ADCY8: variants seen among roughly 807,000 people sequenced by gnomAD.
ADCY8 encodes the protein adenylate cyclase 8, also known as adenylate cyclase type 8.
ADCY8 carries 51 observed loss-of-function variants against 119.7 expected under a neutral mutation model. That is an observed-to-expected ratio of 0.43 (90% CI 0.34 to 0.54). The LOEUF is 0.54. Among genes scored for constraint, ADCY8 ranks in the 20% least tolerant of loss-of-function variants. ADCY8 has a pLI of 0.03. For missense variants in ADCY8, 1,383 were observed against 1,598.8 expected (o/e 0.87, Z 2.30); for synonymous variants, 665 against 651.0 (o/e 1.02, Z -0.33).
intron 14 of ADCY8, among the ~76,000 whole-genome samples, chr8:130,809,534 T>G (rs1223472402): frequency 6.6e-6 from 1 of 152,062 alleles, no homozygotes; most frequent in Non-Finnish European, 1.5e-5. Flanking sequence ...CCTTTGGCCA[T>G]TTGGGCCTGT....
chr8:130,998,937 C>T (rs538326428), intron 1 of ADCY8, among the ~76,000 whole-genome samples: 1 of 152,266 alleles, frequency 6.6e-6, no homozygotes, highest in Admixed American at 6.5e-5. Flanking sequence ...TCTTGGAGAA[C>T]TTTATTTTTA....
At chr8:131,020,679 G>A (rs761565464) in intron 1 of ADCY8, among the ~76,000 whole-genome samples, 48 of 152,292 alleles carry the variant, frequency 3.2e-4, no homozygotes, top group Non-Finnish European at 5.7e-4. Context: ...GCAAATTAGA[G>A]AAGACCTTTA....
intron 1 of ADCY8, among the ~76,000 whole-genome samples, chr8:131,032,213 C>T (rs535849586): frequency 4.6e-4 from 70 of 152,212 alleles, no homozygotes; most frequent in African/African-American, 1.4e-3. Context: ...CTTTCATATC[C>T]GGCTTATGTC....
At chr8:130,789,561 TCAGTG>T (rs56344935) in intron 15 of ADCY8, among the ~76,000 whole-genome samples, 94,908 of 151,404 alleles carry the variant, frequency 0.63, 30,947 homozygotes, top group African/African-American at 0.78. Flanking sequence ...GCTTCTCACC[TCAGTG>T]CAGTTTAAGA....
At chr8:130,980,577 T>C (rs1347046656) in intron 2 of ADCY8, among the ~76,000 whole-genome samples, 1 of 152,138 alleles carries the variant, frequency 6.6e-6, no homozygotes, top group Non-Finnish European at 1.5e-5. Flanking sequence ...AGAGGACGGG[T>C]AGTGTGAGCT....
intron 1 of ADCY8, among the ~76,000 whole-genome samples, chr8:131,008,011 TA>T (rs1384510694): frequency 6.6e-6 from 1 of 152,176 alleles, no homozygotes; most frequent in Non-Finnish European, 1.5e-5. Flanking sequence ...GTGCTACTAT[TA>T]TTATTAGGGT....
intron 7 of ADCY8, among the ~76,000 whole-genome samples, chr8:130,897,658 T>G (rs955582998): frequency 0.011 from 3 of 268 alleles, no homozygotes; most frequent in Admixed American, 0.1. Flanking sequence ...GTGACCCACA[T>G]ATATGAGAGG....
At chr8:130,781,850 C>T (rs966261624) in intron 17 of ADCY8, among the ~76,000 whole-genome samples, 1 of 152,282 alleles carries the variant, frequency 6.6e-6, no homozygotes, top group East Asian at 1.9e-4. Flanking sequence ...TTCTAAAAGA[C>T]AATTATTTCA....
intron 1 of ADCY8, among the ~76,000 whole-genome samples, chr8:131,019,817 CTCTCTCTCTCTCTCTCTCTCTGTCTG>C (rs1823598137): frequency 8.1e-6 from 1 of 124,006 alleles, no homozygotes; most frequent in East Asian, 2.8e-4. Context: ...CTCTCTCTCT[CTCTCTCTCTCTCTCTCTCTCTGTCTG>C]TCTCTCTCTC....
intron 11 of ADCY8, among the ~76,000 whole-genome samples, chr8:130,843,665 G>A (rs975058268): frequency 3.3e-5 from 5 of 152,110 alleles, no homozygotes; most frequent in Non-Finnish European, 7.4e-5. Flanking sequence ...GGTAAATCTT[G>A]TTCCTGTTAG....
chr8:130,973,201 C>A (rs770304507), intron 2 of ADCY8, among the ~76,000 whole-genome samples: 1 of 152,158 alleles, frequency 6.6e-6, no homozygotes, highest in Non-Finnish European at 1.5e-5. Flanking sequence ...AAGGGAGTCA[C>A]AGACAACCCA....
chr8:130,814,083 C>T lies in ADCY8; in HGVS notation c.2899G>A (p.Asp967Asn). Residue 967 changes from aspartate to asparagine, a missense_variant, in exon 14 of 18, where the codon GAC becomes AAC. Around this residue, in one of 2 missense-constraint regions of ADCY8, gnomAD observed 928 missense variants for 1,163.5 expected, o/e 0.80. Transcript: ENST00000286355. Reference sequence around the variant, plus strand: ...CCCTGGCTCACCTCATTGTCTCGGTCCTTCTCTAGGAAATGGCGGGCCACA... The same window carrying T: ...CCCTGGCTCACCTCATTGTCTCGGTTCTTCTCTAGGAAATGGCGGGCCACA... Reference protein sequence around the residue: ...SHVARHFLEKDRDNEELYSQS... With the variant: ...SHVARHFLEKNRDNEELYSQS... 6.2e-7 allele frequency: 1 copy of T among 1,614,158 alleles called. No individual in the cohort carries two copies. Among genetic ancestry groups the T allele is most frequent in the Non-Finnish European group, 8.5e-7 (1 of 1,180,022 alleles).
At chr8:130,871,654 C>A (rs1818361995) in intron 8 of ADCY8, among the ~76,000 whole-genome samples, 1 of 152,156 alleles carries the variant, frequency 6.6e-6, no homozygotes, top group South Asian at 2.1e-4. Context: ...ATGCTGTCTT[C>A]TATTCCTCTG....
rs1554606243 is a variant in ADCY8, at chr8:130,846,889, T to TCC, written c.2502+534_2502+535insGG. 5.5e-3 allele frequency among the ~76,000 whole-genome samples: 31 copies of TCC among 5,634 alleles called. 1 individual carries two copies. Among genetic ancestry groups the TCC allele is most frequent in the African/African-American group, 0.039 (30 of 774 alleles). 3.7% of individuals were successfully genotyped at this position (5,634 alleles called of 152,430 possible). Reference sequence around the variant, plus strand: ...TCCCTTCCCTTCCCTTCCCTTCCCTTTCCTTCCTTCCTTCCTTCCTTCCTT... The same window carrying TCC: ...TCCCTTCCCTTCCCTTCCCTTCCCTTCCTCCTTCCTTCCTTCCTTCCTTCCTT... On this transcript the variant is annotated intron_variant, in intron 11 of 17. Transcript: ENST00000286355.
chr8:130,989,114 T>C (rs1414345631), intron 2 of ADCY8, among the ~76,000 whole-genome samples: 2 of 152,230 alleles, frequency 1.3e-5, no homozygotes, highest in East Asian at 3.8e-4. Flanking sequence ...TTTTTCTTAA[T>C]TATTCCAAGG....
intron 7 of ADCY8, chr8:130,892,642 C>T (rs1025665755): frequency 9.9e-5 from 15 of 152,212 alleles, no homozygotes; most frequent in Non-Finnish European, 1.9e-4. Context: ...CTTTGCCTGG[C>T]ATTAAATGCC....
At chr8:130,958,866 A>G (rs1821515445) in intron 2 of ADCY8, among the ~76,000 whole-genome samples, 1 of 151,992 alleles carries the variant, frequency 6.6e-6, no homozygotes, top group African/African-American at 2.4e-5. Context: ...TATATATTTT[A>G]TTAACTTATC....
rs1305023223 is a variant in ADCY8, at chr8:130,849,786, A to C, written c.2228T>G (p.Ile743Ser). The C allele has an allele frequency of 1.9e-6, 3 of 1,612,950 alleles. No individual in the cohort carries two copies. Among genetic ancestry groups the C allele is most frequent in the Non-Finnish European group, 2.5e-6 (3 of 1,179,468 alleles). ...CAGCATAATCAGAATGGAGAACTGG[A>C]TGGTCATTGGCATCACTCTGCAGGG... ...LPSSRVMPMTIQFSILIMLHS... is the reference protein window; with the variant it reads ...LPSSRVMPMTSQFSILIMLHS... Residue 743 changes from isoleucine (I) to serine (S), a missense_variant, in exon 10 of 18, where the codon ATC becomes AGC. Transcript: ENST00000286355.
At chr8:130,941,203 A>C (rs1820945045) in intron 4 of ADCY8, among the ~76,000 whole-genome samples, 1 of 152,214 alleles carries the variant, frequency 6.6e-6, no homozygotes, top group Non-Finnish European at 1.5e-5. Context: ...GAAGTTCCCT[A>C]GGATGGCCTC....
Sources: gnomAD v4.1 joint callset for allele counts (sites outside exome capture counted in the v4.1 genomes callset) on GRCh38, gnomAD v4.1.1 for gene constraint, gnomAD v4.1.1 regional missense constraint, MANE v1.5 for transcripts, NCBI Gene and HGNC (gene_info 2026-07-23, HGNC 2026-07-21) for gene names.